UHRF2: variants seen among roughly 807,000 people sequenced by gnomAD.
UHRF2 encodes the protein E3 ubiquitin-protein ligase UHRF2.
A neutral mutation model predicts 96.8 loss-of-function variants in UHRF2; 23 were observed. The observed-to-expected ratio is 0.24, with a 90% CI of 0.17 to 0.34. UHRF2 has a LOEUF of 0.34. UHRF2 is among the 10% of genes least tolerant of loss of function. The probability of loss-of-function intolerance (pLI) is 1.00; values close to 1 mark genes in which losing one functional copy is unlikely to be tolerated. For synonymous variants in UHRF2, 385 were observed against 332.6 expected (o/e 1.16, Z -1.72); for missense variants, 685 against 981.5 (o/e 0.70, Z 4.04).
At chr9:6,500,753 A>G (rs1483127074) in intron 14 of UHRF2, 44 bp downstream of exon 14, 1 of 1,525,922 alleles carries the variant, frequency 6.6e-7, no homozygotes. Context: ...GATATTAACA[A>G]ATGATAAATA....
intron 1 of UHRF2, among the ~76,000 whole-genome samples, chr9:6,420,118 G>A (rs904790598): frequency 6.6e-6 from 1 of 150,950 alleles, no homozygotes; most frequent in African/African-American, 2.4e-5. Flanking sequence ...GTGCAGTGGC[G>A]CAATTTCAGC....
intron 3 of UHRF2, among the ~76,000 whole-genome samples, chr9:6,445,514 G>C (rs1287636530): frequency 6.6e-6 from 1 of 152,144 alleles, no homozygotes; most frequent in East Asian, 1.9e-4. Context: ...ACCTGCCTCG[G>C]CCTCCCAAAG....
At chr9:6,458,271 G>A (rs752014795) in intron 3 of UHRF2, among the ~76,000 whole-genome samples, 2 of 152,150 alleles carry the variant, frequency 1.3e-5, no homozygotes, top group Non-Finnish European at 2.9e-5. Context: ...ATTTCTTCTA[G>A]ATTTTCTAGT....
intron 3 of UHRF2, among the ~76,000 whole-genome samples, chr9:6,438,934 TTAGG>T (rs1164346757): frequency 6.6e-6 from 1 of 152,194 alleles, no homozygotes; most frequent in Non-Finnish European, 1.5e-5. Flanking sequence ...ATGTTTCTTC[TTAGG>T]TAGAGGAGTT....
At chr9:6,422,500 A>G (rs538963304) in intron 2 of UHRF2, 2 of 423,626 alleles carry the variant, frequency 4.7e-6, no homozygotes, top group Non-Finnish European at 8.7e-6. Flanking sequence ...TACAAATCTG[A>G]TGGGATTCTA....
intron 4 of UHRF2, among the ~76,000 whole-genome samples, chr9:6,469,296 G>T (rs1415659094): frequency 6.6e-6 from 1 of 152,126 alleles, no homozygotes; most frequent in Non-Finnish European, 1.5e-5. Flanking sequence ...GAGGCAGGTG[G>T]ATCATGAGGT....
chr9:6,484,411 C>T (rs1334618310), intron 8 of UHRF2, among the ~76,000 whole-genome samples: 1 of 144,316 alleles, frequency 6.9e-6, no homozygotes, highest in Non-Finnish European at 1.5e-5. Flanking sequence ...CCTCCTCCTC[C>T]CTCCTCCCTC....
chr9:6,442,485 T>A (rs1033770380), intron 3 of UHRF2, among the ~76,000 whole-genome samples: 3 of 151,092 alleles, frequency 2.0e-5, no homozygotes, highest in African/African-American at 7.3e-5. Context: ...TTGTTTGTTT[T>A]GTTTTGTTTT....
At chr9:6,475,247 A>G (rs1247388851) in intron 4 of UHRF2, 144 bp from the exon 5 acceptor site, 12 of 427,602 alleles carry the variant, frequency 2.8e-5, no homozygotes, top group Non-Finnish European at 3.7e-5. Context: ...ATTGAAAACA[A>G]TAGTTCAGAA....
intron 3 of UHRF2, chr9:6,434,469 C>A: frequency 4.2e-6 from 1 of 240,478 alleles, no homozygotes; most frequent in Non-Finnish European, 8.1e-6. Flanking sequence ...GATGGTCTCT[C>A]TCTGTCGCCC....
At chr9:6,498,202 A>G (rs750785957) in intron 12 of UHRF2, 44 bp downstream of exon 12, 10 of 1,594,196 alleles carry the variant, frequency 6.3e-6, no homozygotes, top group African/African-American at 1.3e-5. Flanking sequence ...TCATAAAAAT[A>G]TACACCTCTT....
rs141713342 is a variant in UHRF2 at position 6,427,394 on chromosome 9, A to G, written c.384+6252A>G. ...GTAAACATTTAAACAGTATGTTAAG[A>G]TGAAATTTTAGGCCAGGCACAGTGG... On this transcript the variant is annotated intron_variant, in intron 2 of 15. Transcript: ENST00000276893. Among the ~76,000 whole-genome samples the G allele has an allele frequency of 3.8e-4, 58 of 152,282 alleles. No homozygotes were observed. In the East Asian group the frequency reaches 8.7e-3, roughly 23 times the overall value.
chr9:6,441,049 G>A (rs965353820), intron 3 of UHRF2, among the ~76,000 whole-genome samples: 1 of 152,136 alleles, frequency 6.6e-6, no homozygotes, highest in African/African-American at 2.4e-5. Flanking sequence ...TCAAAATAAT[G>A]GTCCTTGGCC....
intron 3 of UHRF2, among the ~76,000 whole-genome samples, chr9:6,437,595 T>C (rs780993689): frequency 5.9e-5 from 9 of 152,042 alleles, no homozygotes; most frequent in Non-Finnish European, 1.3e-4. Flanking sequence ...CATATAGTTA[T>C]GCTGTAAATC....
At position 6,434,103 on chromosome 9, in the gene UHRF2, G is replaced by A. The variant is rs1183874717; in HGVS notation, c.574G>A (p.Val192Ile). The change falls in exon 3 of 16, where the codon GTA becomes ATA. Residue 192 changes from valine to isoleucine, a missense_variant. Coordinates refer to ENST00000276893, the MANE Select transcript of UHRF2 (RefSeq NM_152896.3). ...AGAGAACACAAATAAATTGGACAGT[G>A]TACCCTCTACGTCTAATTCAGACTG... ...SKENTNKLDS[V>I]PSTSNSDCVA... The A allele has an allele frequency of 1.2e-6, 2 of 1,614,064 alleles. No homozygotes were observed. Among genetic ancestry groups the A allele is most frequent in the Non-Finnish European group, 1.7e-6 (2 of 1,180,014 alleles).
intron 2 of UHRF2, among the ~76,000 whole-genome samples, chr9:6,424,404 G>A (rs1245584899): frequency 6.6e-6 from 1 of 152,146 alleles, no homozygotes; most frequent in Non-Finnish European, 1.5e-5. Flanking sequence ...AGCACTGAAA[G>A]CCAACTTGCC....
chr9:6,500,495 A>G, intron 13 of UHRF2, 57 bp from the exon 14 acceptor site: 1 of 1,462,718 alleles, frequency 6.8e-7, no homozygotes, highest in Non-Finnish European at 9.2e-7. Flanking sequence ...CTTTTGTTTC[A>G]TAGTTCTGCT....
rs1412558262 is a variant in UHRF2 at position 6,413,392 on chromosome 9, A to T, written c.-99A>T. 33 of 1,194,224 alleles carry T rather than the reference A, an allele frequency of 2.8e-5. No individual in the cohort carries two copies. The highest frequency in any genetic ancestry group is 3.3e-5 in the Non-Finnish European group (31 of 944,498). 74.0% of individuals were successfully genotyped at this position (1,194,224 alleles called of 1,614,324 possible). On this transcript the variant is annotated 5_prime_UTR_variant, in exon 1 of 16. Transcript: ENST00000276893. Reference sequence around the variant, plus strand: ...GGGCGCGCTCGCCCGCCTGCCGCTGAGGGCCCGAGCCGCAGGGAAAGCGGC... The same window carrying T: ...GGGCGCGCTCGCCCGCCTGCCGCTGTGGGCCCGAGCCGCAGGGAAAGCGGC...
At chr9:6,501,504 T>A (rs1287892083) in intron 14 of UHRF2, among the ~76,000 whole-genome samples, 4 of 152,248 alleles carry the variant, frequency 2.6e-5, no homozygotes, top group African/African-American at 9.6e-5. Flanking sequence ...GAGTTTCCTT[T>A]GTGAGAAATA....
Sources: gnomAD v4.1 joint callset for allele counts (sites outside exome capture counted in the v4.1 genomes callset) on GRCh38, gnomAD v4.1.1 for gene constraint, MANE v1.5 for transcripts, NCBI Gene and HGNC (gene_info 2026-07-23, HGNC 2026-07-21) for gene names.